TTLL9: variants seen among roughly 807,000 people sequenced by gnomAD.
TTLL9 encodes tubulin tyrosine ligase like 9.
TTLL9 carries 47 observed loss-of-function variants against 65.6 expected under a neutral mutation model. The observed-to-expected ratio is 0.72, with a 90% CI of 0.57 to 0.91. TTLL9 has a LOEUF of 0.91. Among genes scored for constraint, TTLL9 ranks in the 40% least tolerant of loss-of-function variants. The pLI, the probability that TTLL9 is intolerant of heterozygous loss-of-function variation, is 0.00. For synonymous variants in TTLL9, 179 were observed against 204.8 expected, an observed-to-expected ratio of 0.87 and a Z score of 1.07; for missense variants, 537 against 568.8, an observed-to-expected ratio of 0.94 and a Z score of 0.57.
At chr20:31,923,274 TCTC>T (rs2063841170) in intron 8 of TTLL9, among the ~76,000 whole-genome samples, 1 of 152,274 alleles carries the variant, frequency 6.6e-6, no homozygotes, top group African/African-American at 2.4e-5. Flanking sequence ...TCAGAAAAAT[TCTC>T]CTCCTTTAAA....
At chr20:31,918,238 A>C (rs1369718553) in intron 6 of TTLL9, among the ~76,000 whole-genome samples, 3 of 152,214 alleles carry the variant, frequency 2.0e-5, no homozygotes, top group African/African-American at 7.2e-5. Context: ...CTTGAAATGC[A>C]TGAGGCCAGA....
chr20:31,939,250 G>T lies in TTLL9; in HGVS notation c.1227G>T (p.Val409=). The T allele has an allele frequency of 6.2e-7, 1 of 1,613,658 alleles. No individual in the cohort carries two copies. Among genetic ancestry groups the T allele is most frequent in the South Asian group, 1.1e-5 (1 of 91,052 alleles). The change falls in exon 14 of 15, where the codon GTG becomes GTT. Residue 409 remains valine (V), a synonymous_variant. Coordinates refer to ENST00000535842, the MANE Select transcript of TTLL9 (RefSeq NM_001008409.5). ...ACCTGTCGGGAATGGGAAACTTTGT[G>T]ACCAACACACATCTCGGTATGTAGG... ...APDLSGMGNF[V]TNTHLGCVND...
Position 31,919,905 on chromosome 20 carries a change from G to A in TTLL9, c.546G>A (p.Arg182=). ...GGAAAGGCATCTTCCTCTTCCGTAG[G>A]CTGAAGGACATCGTGGACTGGAGGA... ...SQGKGIFLFR[R]LKDIVDWRKD... Residue 182 remains arginine (R), a synonymous_variant, in exon 7 of 15, where the codon AGG becomes AGA. Coordinates refer to ENST00000535842, the MANE Select transcript of TTLL9 (RefSeq NM_001008409.5). The A allele has an allele frequency of 2.5e-6, 4 of 1,592,364 alleles. No individual in the cohort carries two copies. Among genetic ancestry groups the A allele is most frequent in the Non-Finnish European group, 3.4e-6 (4 of 1,169,974 alleles).
chr20:31,873,157 T>G, intron 2 of TTLL9: 1 of 403,974 alleles, frequency 2.5e-6, no homozygotes, highest in Non-Finnish European at 4.9e-6. Flanking sequence ...GCAGATTGAC[T>G]GGATGTGGGG....
intron 8 of TTLL9, among the ~76,000 whole-genome samples, chr20:31,924,168 A>G (rs2063856564): frequency 6.6e-6 from 1 of 151,848 alleles, no homozygotes; most frequent in South Asian, 2.1e-4. Context: ...GGGCCTGGCC[A>G]CCATCCTCTT....
At chr20:31,902,502 T>C (rs2063493533) in intron 4 of TTLL9, among the ~76,000 whole-genome samples, 1 of 152,196 alleles carries the variant, frequency 6.6e-6, no homozygotes. Flanking sequence ...TGCCTCAGCC[T>C]CCTGAGTAGC....
At chr20:31,922,442 A>T (rs1016130186) in intron 7 of TTLL9, among the ~76,000 whole-genome samples, 1 of 152,016 alleles carries the variant, frequency 6.6e-6, no homozygotes, top group African/African-American at 2.4e-5. Flanking sequence ...TGTTAAACAC[A>T]AGCTCCCCGT....
intron 2 of TTLL9, among the ~76,000 whole-genome samples, chr20:31,872,684 T>G (rs2062955198): frequency 6.6e-6 from 1 of 151,910 alleles, no homozygotes; most frequent in African/African-American, 2.4e-5. Flanking sequence ...GAGCGAGACC[T>G]TGTCTCAAAA....
Position 31,870,708 on chromosome 20 carries a change from G to T in TTLL9, c.-247G>T. On this transcript the variant is annotated 5_prime_UTR_variant, in exon 1 of 15. Transcript: ENST00000535842. This position sits in a 1 kb window ranked among gnomAD's most constrained non-coding sequence, Gnocchi z 6.6. ...CGTGGGGCCGCCACCTCCGGAGGTG[G>T]GGGCGGGGGCCTTACCCCACCCTGG... 1.3e-6 allele frequency: 1 copy of T among 761,818 alleles called. No homozygotes were observed. The highest frequency in any genetic ancestry group is 1.8e-6 in the Non-Finnish European group (1 of 546,212). The allele number at this position is 761,818 out of a possible 1,614,324, so 47.2% of individuals were successfully genotyped here. A position where few individuals can be genotyped will look rare whatever the true frequency, so the allele number is the denominator to read the frequency against.
intron 6 of TTLL9, among the ~76,000 whole-genome samples, chr20:31,911,826 CTGTGCGTGTGTGTGTG>C (rs1355222310): frequency 3.3e-5 from 4 of 121,908 alleles, no homozygotes; most frequent in Middle Eastern, 3.7e-3. Context: ...CTCGGTGTGT[CTGTGCGTGTGTGTGTG>C]TGTGTGTGTG....
At chr20:31,937,908 T>C (rs577611045) in intron 13 of TTLL9, among the ~76,000 whole-genome samples, 1 of 151,548 alleles carries the variant, frequency 6.6e-6, no homozygotes, top group South Asian at 2.1e-4. Context: ...TAACAGTAAG[T>C]GCTCAATACA....
chr20:31,900,477 A>G (rs1283544282), intron 4 of TTLL9, among the ~76,000 whole-genome samples: 1 of 152,178 alleles, frequency 6.6e-6, no homozygotes, highest in Non-Finnish European at 1.5e-5. Flanking sequence ...AGATGTTATG[A>G]ATCTGTGATT....
At chr20:31,872,873 A>G (rs1286186172) in intron 2 of TTLL9, 1 of 435,900 alleles carries the variant, frequency 2.3e-6, no homozygotes, top group Admixed American at 2.4e-5. Context: ...CGGAGCATGC[A>G]GGAGCACATA....
rs1183648191 is a variant in TTLL9, at chr20:31,919,944, T to C, written c.573+12T>C. ...TGGACTGGAGGAAGGTGAGCCTGCC[T>C]CTTCCCCCTTCCTCCCTGAACCCTC... is the stretch of plus-strand genomic sequence containing the variant. On this transcript the variant is annotated intron_variant, in intron 7 of 14. Coordinates refer to ENST00000535842, the MANE Select transcript of TTLL9 (RefSeq NM_001008409.5). The C allele has an allele frequency of 6.4e-7, 1 of 1,574,208 alleles. No homozygotes were observed. The highest frequency in any genetic ancestry group is 1.4e-5 in the African/African-American group (1 of 72,622).
chr20:31,877,343 T>C (rs977870042), intron 2 of TTLL9, among the ~76,000 whole-genome samples: 14 of 152,166 alleles, frequency 9.2e-5, no homozygotes, highest in Non-Finnish European at 2.1e-4. Flanking sequence ...TTCACCATGG[T>C]GGCCAGGTCT....
chr20:31,912,643 G>A (rs2063675210), intron 6 of TTLL9, among the ~76,000 whole-genome samples: 1 of 132,650 alleles, frequency 7.5e-6, no homozygotes, highest in Non-Finnish European at 1.6e-5. Flanking sequence ...GTGTGTGTGT[G>A]TATGTCTGTG....
intron 5 of TTLL9, among the ~76,000 whole-genome samples, chr20:31,909,476 G>A (rs2063611840): frequency 6.6e-6 from 1 of 152,078 alleles, no homozygotes; most frequent in Non-Finnish European, 1.5e-5. Context: ...ACAGGCCCTG[G>A]TCAAATCCTG....
At chr20:31,898,417 C>A (rs1335570403) in intron 3 of TTLL9, 56 bp from the exon 4 acceptor site, 5 of 1,511,316 alleles carry the variant, frequency 3.3e-6, no homozygotes, top group East Asian at 4.5e-5. Flanking sequence ...CCTCTCCTTG[C>A]GCCATCCTAG....
chr20:31,924,848 A>G (rs775772523), intron 8 of TTLL9, among the ~76,000 whole-genome samples, 161 bp from the exon 9 acceptor site: 2 of 152,180 alleles, frequency 1.3e-5, no homozygotes, highest in Non-Finnish European at 2.9e-5. Flanking sequence ...AAGTGTTGGG[A>G]TCACAGGCAT....
Sources: gnomAD v4.1 joint callset for allele counts (sites outside exome capture counted in the v4.1 genomes callset) on GRCh38, gnomAD v4.1.1 for gene constraint, Gnocchi (gnomAD v3.1) non-coding constraint, MANE v1.5 for transcripts, NCBI Gene and HGNC (gene_info 2026-07-23, HGNC 2026-07-21) for gene names.